Variants in TBL1XR1 observed in about 807,000 individuals in gnomAD.
TBL1XR1 encodes TBL1X/Y related 1, also known as F-box-like/WD repeat-containing protein TBL1XR1.
A neutral mutation model predicts 66.9 loss-of-function variants in TBL1XR1; 5 were observed. The observed-to-expected ratio is 0.07, with a 90% CI of 0.04 to 0.16. TBL1XR1 has a LOEUF of 0.16. Among genes scored for constraint, TBL1XR1 ranks in the 10% least tolerant of loss-of-function variants. The pLI, the probability that TBL1XR1 is intolerant of heterozygous loss-of-function variation, is 1.00. For missense variants in TBL1XR1, 238 were observed against 623.2 expected, an observed-to-expected ratio of 0.38 and a Z score of 6.58; for synonymous variants, 210 against 206.0, an observed-to-expected ratio of 1.02 and a Z score of -0.17.
At chr3:177,059,281 A>T (rs763571137) in intron 3 of TBL1XR1, among the ~76,000 whole-genome samples, 20 of 152,208 alleles carry the variant, frequency 1.3e-4, no homozygotes, top group Non-Finnish European at 2.5e-4. Flanking sequence ...AGTTACCTTT[A>T]TCTGAGTCAA....
chr3:177,111,538 T>C (rs1381053841), intron 1 of TBL1XR1, among the ~76,000 whole-genome samples: 2 of 151,828 alleles, frequency 1.3e-5, no homozygotes, highest in African/African-American at 2.4e-5. Flanking sequence ...GACCTCAAGT[T>C]ATTTGCCCAT....
chr3:177,145,088 C>A (rs1730089922), intron 1 of TBL1XR1, among the ~76,000 whole-genome samples: 1 of 152,086 alleles, frequency 6.6e-6, no homozygotes, highest in South Asian at 2.1e-4. Flanking sequence ...TGGTACCAGG[C>A]AAGCTTAACG....
chr3:177,184,402 A>C (rs1000432355), intron 1 of TBL1XR1, among the ~76,000 whole-genome samples: 4 of 152,204 alleles, frequency 2.6e-5, no homozygotes, highest in African/African-American at 9.6e-5. Flanking sequence ...CCCTTGGCAA[A>C]GCAATACCTT....
intron 2 of TBL1XR1, among the ~76,000 whole-genome samples, chr3:177,067,881 G>A (rs577760624): frequency 1.6e-4 from 25 of 152,246 alleles, no homozygotes; most frequent in Middle Eastern, 3.4e-3. Flanking sequence ...AACGCTCTAG[G>A]ATGTGATGTA....
chr3:177,104,371 A>C (rs1724614018), intron 1 of TBL1XR1, among the ~76,000 whole-genome samples: 1 of 152,204 alleles, frequency 6.6e-6, no homozygotes. Flanking sequence ...TACAAAAAGG[A>C]ATGTTAGTAT....
intron 1 of TBL1XR1, among the ~76,000 whole-genome samples, chr3:177,171,134 T>A: frequency 1.4e-5 from 2 of 147,184 alleles, no homozygotes; most frequent in Non-Finnish European, 3.0e-5. Context: ...TGAGGTCAGG[T>A]GTTTAAGACA....
chr3:177,076,944 T>C (rs1205852319), intron 2 of TBL1XR1, among the ~76,000 whole-genome samples: 1 of 152,194 alleles, frequency 6.6e-6, no homozygotes, highest in Admixed American at 6.5e-5. Flanking sequence ...CTATATCCAA[T>C]CACAAGATTT....
At chr3:177,112,687 T>C (rs1362947194) in intron 1 of TBL1XR1, among the ~76,000 whole-genome samples, 1 of 152,050 alleles carries the variant, frequency 6.6e-6, no homozygotes, top group African/African-American at 2.4e-5. Context: ...AAAAGAAAAG[T>C]ATGAGAACAC....
At chr3:177,134,655 A>T (rs996886142) in intron 1 of TBL1XR1, among the ~76,000 whole-genome samples, 3 of 152,086 alleles carry the variant, frequency 2.0e-5, no homozygotes, top group Admixed American at 6.6e-5. Flanking sequence ...GTAATTTAAG[A>T]GACTCTGTTC....
chr3:177,045,784 GA>G (rs546872035), intron 10 of TBL1XR1, among the ~76,000 whole-genome samples: 13 of 152,222 alleles, frequency 8.5e-5, no homozygotes, highest in African/African-American at 3.1e-4. Context: ...AGGAGGCTCA[GA>G]AAGGTTAAGT....
chr3:177,089,674 C>G (rs1178125221), intron 2 of TBL1XR1, among the ~76,000 whole-genome samples: 1 of 152,094 alleles, frequency 6.6e-6, no homozygotes, highest in Non-Finnish European at 1.5e-5. Flanking sequence ...GTGGAAGAGT[C>G]CTGTTGTTAA....
chr3:177,116,511 C>T (rs529484061), intron 1 of TBL1XR1, among the ~76,000 whole-genome samples: 1 of 152,206 alleles, frequency 6.6e-6, no homozygotes, highest in Non-Finnish European at 1.5e-5. Context: ...TCACTCACAT[C>T]CTACTAACCA....
chr3:177,132,647 T>C (rs1311048190), intron 1 of TBL1XR1, among the ~76,000 whole-genome samples: 1 of 151,976 alleles, frequency 6.6e-6, no homozygotes, highest in Non-Finnish European at 1.5e-5. Flanking sequence ...TTAGAGAACA[T>C]GGCCAGGAAA....
At chr3:177,072,611 G>A (rs535106068) in intron 2 of TBL1XR1, among the ~76,000 whole-genome samples, 1 of 152,190 alleles carries the variant, frequency 6.6e-6, no homozygotes, top group South Asian at 2.1e-4. Flanking sequence ...AGTTACTTCC[G>A]TTGCATACTA....
intron 2 of TBL1XR1, among the ~76,000 whole-genome samples, chr3:177,071,770 G>C (rs2108568477): frequency 6.6e-6 from 1 of 152,190 alleles, no homozygotes; most frequent in Admixed American, 6.5e-5. Flanking sequence ...GAAGAAAAAG[G>C]GAAAAGTATA....
At chr3:177,144,063 T>C (rs1301257661) in intron 1 of TBL1XR1, among the ~76,000 whole-genome samples, 1 of 151,830 alleles carries the variant, frequency 6.6e-6, no homozygotes, top group East Asian at 2.0e-4. Context: ...CTGACCAACA[T>C]GGAGAAACCC....
chr3:177,100,108 G>A (rs1444759025), intron 1 of TBL1XR1, among the ~76,000 whole-genome samples: 4 of 152,046 alleles, frequency 2.6e-5, no homozygotes, highest in Non-Finnish European at 5.9e-5. Flanking sequence ...GCATGGTGGC[G>A]CATGGCTGTG....
rs1489669470 is a variant in TBL1XR1, at chr3:177,023,696, T to A, written c.*1802A>T. ...CAAGACTTGCTTCAATCAATGCTGTTTTGTAAAAATAGCAAAGCAACGAAT... is the reference window on the plus strand; with the variant it reads ...CAAGACTTGCTTCAATCAATGCTGTATTGTAAAAATAGCAAAGCAACGAAT... On this transcript the variant is annotated 3_prime_UTR_variant, in exon 16 of 16. Coordinates refer to ENST00000457928, the MANE Select transcript of TBL1XR1 (RefSeq NM_024665.7). 6.6e-6 allele frequency: 1 copy of A among 152,528 alleles called. No individual in the cohort carries two copies. The highest frequency in any genetic ancestry group is 1.9e-4 in the East Asian group (1 of 5,196). 9.4% of individuals were successfully genotyped at this position (152,528 alleles called of 1,614,324 possible). A position where few individuals can be genotyped will look rare whatever the true frequency, so the allele number is the denominator to read the frequency against.
At chr3:177,122,359 T>C (rs780824036) in intron 1 of TBL1XR1, among the ~76,000 whole-genome samples, 6 of 150,620 alleles carry the variant, frequency 4.0e-5, no homozygotes, top group African/African-American at 7.3e-5. Context: ...TCACGCCTGA[T>C]TGGGGTCATA....
Sources: gnomAD v4.1 joint callset for allele counts (sites outside exome capture counted in the v4.1 genomes callset) on GRCh38, gnomAD v4.1.1 for gene constraint, MANE v1.5 for transcripts, NCBI Gene and HGNC (gene_info 2026-07-23, HGNC 2026-07-21) for gene names.